GRIK1: variants seen among roughly 807,000 people sequenced by gnomAD.
The protein encoded by GRIK1 is glutamate receptor ionotropic, kainate 1.
In GRIK1, 69 loss-of-function variants were observed where a neutral mutation model predicts 105.7. The observed-to-expected ratio is 0.65, with a 90% CI of 0.54 to 0.80. The LOEUF (loss-of-function observed/expected upper bound fraction) is 0.80, where lower values mean the gene tolerates loss of function less well. GRIK1 is among the 30% of genes least tolerant of loss of function. The pLI is 0.00. For synonymous variants in GRIK1, 438 were observed against 431.3 expected (o/e 1.02, Z -0.19); for missense variants, 1,109 against 1,167.3 (o/e 0.95, Z 0.73).
intron 14 of GRIK1, 127 bp from the exon 15 acceptor site, chr21:29,561,976 G>T: frequency 3.1e-6 from 2 of 646,552 alleles, no homozygotes; most frequent in Non-Finnish European, 2.8e-6. Context: ...GGGGAGTCAA[G>T]ATTGATGATC....
intron 4 of GRIK1, among the ~76,000 whole-genome samples, chr21:29,660,009 A>C (rs1601395407): frequency 6.6e-6 from 1 of 151,760 alleles, no homozygotes; most frequent in African/African-American, 2.4e-5. Context: ...ACAACAAAAA[A>C]CCCTCACTGC....
At chr21:29,614,402 C>CT (rs35063316) in intron 7 of GRIK1, among the ~76,000 whole-genome samples, 2,745 of 83,020 alleles carry the variant, frequency 0.033, 303 homozygotes, top group Non-Finnish European at 0.043. Context: ...TAAAATCCCT[C>CT]TTTTTTTTTT....
At chr21:29,687,892 T>C (rs918110286) in intron 3 of GRIK1, among the ~76,000 whole-genome samples, 20 of 152,238 alleles carry the variant, frequency 1.3e-4, no homozygotes, top group Admixed American at 1.1e-3. Context: ...GTTTTCCTTT[T>C]AGATGGTCCA....
chr21:29,816,948 C>A (rs1226646749), intron 1 of GRIK1, among the ~76,000 whole-genome samples: 1 of 152,030 alleles, frequency 6.6e-6, no homozygotes, highest in Non-Finnish European at 1.5e-5. Context: ...ATGTTACCAA[C>A]ACAAAGAAAC....
chr21:29,760,814 G>A (rs941008626), intron 1 of GRIK1, among the ~76,000 whole-genome samples: 1 of 152,150 alleles, frequency 6.6e-6, no homozygotes, highest in Non-Finnish European at 1.5e-5. Flanking sequence ...CTGTACCTCT[G>A]TAGATCTGTA....
At chr21:29,732,989 G>T (rs187550015) in intron 1 of GRIK1, among the ~76,000 whole-genome samples, 1 of 152,286 alleles carries the variant, frequency 6.6e-6, no homozygotes, top group East Asian at 1.9e-4. Flanking sequence ...TTTCATTTAA[G>T]TAGCATGTGG....
At chr21:29,727,527 T>C (rs781504809) in intron 1 of GRIK1, among the ~76,000 whole-genome samples, 9 of 152,200 alleles carry the variant, frequency 5.9e-5, no homozygotes, top group Middle Eastern at 3.4e-3. Context: ...AGGCCACCCA[T>C]GGTGGGAATG....
intron 9 of GRIK1, among the ~76,000 whole-genome samples, chr21:29,594,433 G>C (rs568885213): frequency 6.6e-6 from 1 of 152,006 alleles, no homozygotes. Flanking sequence ...TCCAGGGAGC[G>C]GAACCTCAGT....
intron 1 of GRIK1, among the ~76,000 whole-genome samples, chr21:29,927,152 G>A (rs2832489): frequency 0.68 from 103,813 of 151,918 alleles, 35,684 homozygotes; most frequent in East Asian, 0.83. Flanking sequence ...CCAGTTATTC[G>A]AAATGCAATA....
chr21:29,734,295 C>T (rs1312467415), intron 1 of GRIK1, among the ~76,000 whole-genome samples: 2 of 152,310 alleles, frequency 1.3e-5, no homozygotes, highest in African/African-American at 4.8e-5. Flanking sequence ...TGGTCCACTT[C>T]CCACACTACA....
chr21:29,778,771 A>G (rs894782098), intron 1 of GRIK1, among the ~76,000 whole-genome samples: 1 of 152,200 alleles, frequency 6.6e-6, no homozygotes, highest in African/African-American at 2.4e-5. Context: ...TGAAACAGAT[A>G]TGACCTCACA....
chr21:29,641,272 G>T (rs1251015119), intron 7 of GRIK1, among the ~76,000 whole-genome samples: 1 of 152,126 alleles, frequency 6.6e-6, no homozygotes, highest in Non-Finnish European at 1.5e-5. Flanking sequence ...GCAGGTAATT[G>T]AATCATGGAG....
chr21:29,890,788 C>G (rs7280726), intron 1 of GRIK1, among the ~76,000 whole-genome samples: 2,145 of 152,210 alleles, frequency 0.014, 51 homozygotes, highest in African/African-American at 0.042. Context: ...GACACGCACA[C>G]TCATAAACAC....
At chr21:29,826,647 ATG>A (rs377606068) in intron 1 of GRIK1, among the ~76,000 whole-genome samples, 7 of 151,270 alleles carry the variant, frequency 4.6e-5, no homozygotes, top group African/African-American at 1.5e-4. Context: ...TTTACATAGC[ATG>A]TGTGTGTGTG....
intron 3 of GRIK1, among the ~76,000 whole-genome samples, chr21:29,684,310 G>A (rs972339023): frequency 3.3e-5 from 5 of 150,864 alleles, no homozygotes; most frequent in East Asian, 3.9e-4. Flanking sequence ...TCTATCTACC[G>A]TTTATCATAT....
chr21:29,650,559 C>G (rs1024325422), intron 6 of GRIK1, among the ~76,000 whole-genome samples: 2 of 152,220 alleles, frequency 1.3e-5, no homozygotes, highest in African/African-American at 4.8e-5. Flanking sequence ...CAGAGTATCT[C>G]TGACTTGTCA....
chr21:29,844,562 A>G (rs1385141063), intron 1 of GRIK1, among the ~76,000 whole-genome samples: 1 of 152,218 alleles, frequency 6.6e-6, no homozygotes, highest in Non-Finnish European at 1.5e-5. Context: ...ACTACTGCAA[A>G]TCCCTTCTGA....
intron 4 of GRIK1, among the ~76,000 whole-genome samples, chr21:29,666,441 AAAAG>A (rs574096531): frequency 5.3e-5 from 8 of 152,326 alleles, no homozygotes; most frequent in African/African-American, 1.9e-4. Context: ...ATTAATTAAA[AAAAG>A]AAAGTAACTT....
chr21:29,864,531 T>C (rs754539462), intron 1 of GRIK1, among the ~76,000 whole-genome samples: 6 of 152,218 alleles, frequency 3.9e-5, no homozygotes, highest in Non-Finnish European at 8.8e-5. Flanking sequence ...CATCATAATT[T>C]AATAACCAAC....
Sources: gnomAD v4.1 joint callset for allele counts (sites outside exome capture counted in the v4.1 genomes callset) on GRCh38, gnomAD v4.1.1 for gene constraint, MANE v1.5 for transcripts, NCBI Gene and HGNC (gene_info 2026-07-23, HGNC 2026-07-21) for gene names.